Variants in UBN1 observed in about 807,000 individuals in gnomAD.
The protein encoded by UBN1 is ubinuclein 1.
UBN1 carries 17 observed loss-of-function variants against 108.5 expected under a neutral mutation model. The ratio of observed to expected loss-of-function variants is 0.16; its 90% CI spans 0.11 to 0.24. UBN1 has a LOEUF of 0.24. UBN1 is among the 10% of genes least tolerant of loss of function. The pLI, the probability that UBN1 is intolerant of heterozygous loss-of-function variation, is 1.00. For synonymous variants in UBN1, 726 were observed against 564.2 expected, an observed-to-expected ratio of 1.29 and a Z score of -4.07; for missense variants, 1,595 against 1,394.4, an observed-to-expected ratio of 1.14 and a Z score of -2.29.
In UBN1 at chr16:4,858,479, C is replaced by CT. The variant is rs1361545478; in HGVS notation, c.337-86dup. ...GACTGTTTTAGTTAGTGCATTACCT[C>CT]TTTGAGTCATAGCTGATGAAGTTCA... On this transcript the variant is annotated intron_variant, in intron 3 of 17. Coordinates refer to ENST00000262376, the MANE Select transcript of UBN1 (RefSeq NM_001079514.3). 48 of 1,201,728 alleles carry CT rather than the reference C, an allele frequency of 4.0e-5. No individual in the cohort carries two copies. In the African/African-American group the frequency reaches 7.2e-4, roughly 18 times the overall value. The allele number at this position is 1,201,728 out of a possible 1,614,324, so 74.4% of individuals were successfully genotyped here.
In UBN1 at chr16:4,859,116, C is replaced by G. The variant is rs2142159885; in HGVS notation, c.524C>G (p.Ser175Cys). Residue 175 changes from serine to cysteine, a missense_variant, in exon 5 of 18, where the codon TCT becomes TGT. Around this residue, in one of 3 missense-constraint regions of UBN1, gnomAD observed 1,398 missense variants for 1,194.7 expected, o/e 1.17. Coordinates refer to ENST00000262376, the MANE Select transcript of UBN1 (RefSeq NM_001079514.3). ...CTGCAGTTTAGACAAGCATCAGAGTCTGAAGATGACTTCATTAAAGAAAAG... is the reference window on the plus strand; with the variant it reads ...CTGCAGTTTAGACAAGCATCAGAGTGTGAAGATGACTTCATTAAAGAAAAG... Reference protein sequence around the residue: ...GTLQFRQASESEDDFIKEKKK... With the variant: ...GTLQFRQASECEDDFIKEKKK... 6.2e-7 allele frequency: 1 copy of G among 1,614,126 alleles called. No homozygotes were observed. Among genetic ancestry groups the G allele is most frequent in the East Asian group, 2.2e-5 (1 of 44,888 alleles).
At chr16:4,872,810 A>G (rs532321015) in intron 12 of UBN1, 74 bp from the exon 13 acceptor site, 7 of 1,555,842 alleles carry the variant, frequency 4.5e-6, no homozygotes, top group Non-Finnish European at 6.2e-6. Flanking sequence ...GACCAGGGAC[A>G]CTAGCAAAGT....
chr16:4,866,867 G>A (rs553813963), intron 7 of UBN1, among the ~76,000 whole-genome samples: 69 of 152,310 alleles, frequency 4.5e-4, no homozygotes, highest in Non-Finnish European at 8.7e-4. Context: ...CGATAGATAC[G>A]CAGACAATGG....
chr16:4,857,630 A>G (rs1324081225), intron 2 of UBN1, among the ~76,000 whole-genome samples: 1 of 152,136 alleles, frequency 6.6e-6, no homozygotes, highest in African/African-American at 2.4e-5. Context: ...CTTTCTTAGA[A>G]TGTTTTTAAA....
intron 7 of UBN1, 94 bp downstream of exon 7, chr16:4,861,196 T>C (rs1280848262): frequency 3.7e-6 from 5 of 1,354,006 alleles, no homozygotes; most frequent in African/African-American, 2.9e-5. Flanking sequence ...AGAGAAACTC[T>C]TAGTGAGTTG....
chr16:4,881,771 C>G lies in UBN1; in HGVS notation c.*1639C>G, dbSNP rs1487079263. On this transcript the variant is annotated 3_prime_UTR_variant, in exon 18 of 18. Transcript: ENST00000262376. ...TATATATTTTTTGCAACTTGGATTT[C>G]CAGTTTGTTTACAGAGTAGTCTTAG... 2 of 152,254 alleles carry G rather than the reference C, an allele frequency of 1.3e-5. No homozygotes were observed. The highest frequency in any genetic ancestry group is 2.9e-5 in the Non-Finnish European group (2 of 68,012). The allele number at this position is 152,254 out of a possible 1,614,324, so 9.4% of individuals were successfully genotyped here. A position where few individuals can be genotyped will look rare whatever the true frequency, so the allele number is the denominator to read the frequency against.
At chr16:4,853,277 C>A (rs1382486490) in intron 2 of UBN1, 111 bp downstream of exon 2, 3 of 1,430,332 alleles carry the variant, frequency 2.1e-6, no homozygotes, top group Non-Finnish European at 2.8e-6. Flanking sequence ...TTTGGCTGCC[C>A]CAAGATCCTG....
chr16:4,852,846 G>A (rs969517519), intron 1 of UBN1, 33 bp from the exon 2 acceptor site: 14 of 1,514,426 alleles, frequency 9.2e-6, no homozygotes, highest in African/African-American at 2.8e-5. Flanking sequence ...TATCATCTTC[G>A]TTTGACCTGG....
In UBN1 at chr16:4,859,066, AGGATT is replaced by A; in HGVS notation, c.475_479del (p.Gly159LeufsTer3). 6.2e-7 allele frequency: 1 copy of A among 1,614,242 alleles called. No individual in the cohort carries two copies. Among genetic ancestry groups the A allele is most frequent in the Non-Finnish European group, 8.5e-7 (1 of 1,180,042 alleles). On this transcript the variant is annotated frameshift_variant, in exon 5 of 18. Coordinates refer to ENST00000262376, the MANE Select transcript of UBN1 (RefSeq NM_001079514.3). LOFTEE classifies it high-confidence loss of function. The stretch of plus-strand genomic sequence containing the variant: ...CTGCTTCTTTGACTACGAAGTATGG[AGGATT>A]TTACATTAACTCGGGAACCCTGCAG...
rs758058278 is a variant in UBN1, at chr16:4,868,827, C to T, written c.1111-6C>T. On this transcript the variant is annotated splice_region_variant and splice_polypyrimidine_tract_variant and intron_variant, in intron 7 of 17. Transcript: ENST00000262376. ...CTAACGGCTGTTACTGTCTGCTGTG[C>T]ACCAGGCTGCCAGAGCTGCTGAGGG... The T allele has an allele frequency of 8.1e-6, 13 of 1,613,398 alleles. No individual in the cohort carries two copies. The highest frequency in any genetic ancestry group is 1.0e-5 in the Non-Finnish European group (12 of 1,179,708).
At chr16:4,849,462 A>T (rs118151999) in intron 1 of UBN1, among the ~76,000 whole-genome samples, 1 of 151,876 alleles carries the variant, frequency 6.6e-6, no homozygotes, top group African/African-American at 2.4e-5. Flanking sequence ...TGAAAATACA[A>T]TGTTTAGAAG....
chr16:4,870,603 T>C lies in UBN1; in HGVS notation c.1399T>C (p.Cys467Arg), dbSNP rs2087580685. ...GCAGATGGCCAAGTACCAGGACGAA[T>C]GCCAGGCACACACGCAGGCAAAGGT... Reference protein sequence around the residue: ...PEQMAKYQDECQAHTQAKVAK... With the variant: ...PEQMAKYQDERQAHTQAKVAK... The change falls in exon 10 of 18, where the codon TGC (cysteine) becomes CGC (arginine). Residue 467 changes from cysteine (C) to arginine (R), a missense_variant. This residue lies in a region of UBN1 where 1,398 missense variants were observed against 1,194.7 expected (regional missense o/e 1.17). Transcript: ENST00000262376. 6.2e-7 allele frequency: 1 copy of C among 1,614,034 alleles called. No homozygotes were observed. Among genetic ancestry groups the C allele is most frequent in the Non-Finnish European group, 8.5e-7 (1 of 1,180,048 alleles).
chr16:4,852,725 A>G lies in UBN1; in HGVS notation c.-39-154A>G, dbSNP rs886907828. On this transcript the variant is annotated intron_variant, in intron 1 of 17. Transcript: ENST00000262376. ...CTCTGAATGATTGTGAAAAAATTTT[A>G]GGATGAATAAGCAGAAAAAAACAAT... The G allele has an allele frequency of 1.3e-5, 10 of 772,596 alleles. No homozygotes were observed. The South Asian group carries it at 1.8e-4, about 14-fold the overall frequency. 47.9% of individuals were successfully genotyped at this position (772,596 alleles called of 1,614,324 possible).
intron 15 of UBN1, among the ~76,000 whole-genome samples, 192 bp downstream of exon 15, chr16:4,875,626 G>T (rs1436558779): frequency 6.6e-6 from 1 of 152,176 alleles, no homozygotes; most frequent in South Asian, 2.1e-4. Flanking sequence ...GGAAGCCCAG[G>T]ATGGCCTAAA....
At position 4,877,816 on chromosome 16, in the gene UBN1, G is replaced by C. The variant is rs62036122; in HGVS notation, c.3355+342G>C. On this transcript the variant is annotated intron_variant, in intron 17 of 17. Coordinates refer to ENST00000262376, the MANE Select transcript of UBN1 (RefSeq NM_001079514.3). This position sits in a 1 kb window ranked among gnomAD's most constrained non-coding sequence, Gnocchi z 4.3. ...TTCAGTTTAAAAAAAAAAAAAAAGG[G>C]AAGGTAATGGTGCATCTTCTCCAAG... 1 of 978,088 alleles carries C rather than the reference G, an allele frequency of 1.0e-6. No homozygotes were observed. The highest frequency in any genetic ancestry group is 1.2e-6 in the Non-Finnish European group (1 of 811,942). 60.6% of individuals were successfully genotyped at this position (978,088 alleles called of 1,614,324 possible). A position where few individuals can be genotyped will look rare whatever the true frequency, so the allele number is the denominator to read the frequency against.
chr16:4,850,623 A>G (rs997687959), intron 1 of UBN1, among the ~76,000 whole-genome samples: 1 of 152,226 alleles, frequency 6.6e-6, no homozygotes, highest in Admixed American at 6.5e-5. Context: ...TTGCAGCGCC[A>G]GCCTGTTACA....
chr16:4,871,382 C>G (rs1248903921), intron 12 of UBN1, 81 bp downstream of exon 12: 6 of 1,541,690 alleles, frequency 3.9e-6, no homozygotes, highest in Middle Eastern at 2.4e-4. Flanking sequence ...CAACAGGATC[C>G]TTGCTCACAG....
chr16:4,861,390 T>C (rs1464703600), intron 7 of UBN1, among the ~76,000 whole-genome samples: 2 of 152,252 alleles, frequency 1.3e-5, no homozygotes. Flanking sequence ...CACGGCATCT[T>C]TTCCTTCATG....
chr16:4,847,513 C>G lies in UBN1; in HGVS notation c.-737C>G, dbSNP rs933624655. The G allele has an allele frequency of 5.8e-6, 3 of 513,450 alleles. No homozygotes were observed. Among genetic ancestry groups the G allele is most frequent in the Non-Finnish European group, 1.0e-5 (3 of 298,550 alleles). The allele number at this position is 513,450 out of a possible 1,614,324, so 31.8% of individuals were successfully genotyped here. On this transcript the variant is annotated 5_prime_UTR_variant, in exon 1 of 18. Transcript: ENST00000262376. ...TCCCCCTCCCTTCGGCTCGTGACAA[C>G]GAAGCGCCCGCGGTCTGAGGCGGCG...
Sources: gnomAD v4.1 joint callset for allele counts (sites outside exome capture counted in the v4.1 genomes callset) on GRCh38, gnomAD v4.1.1 for gene constraint, gnomAD v4.1.1 regional missense constraint, Gnocchi (gnomAD v3.1) non-coding constraint, MANE v1.5 for transcripts, NCBI Gene and HGNC (gene_info 2026-07-23, HGNC 2026-07-21) for gene names.